The following UBAC1 variants were observed in gnomAD, a reference collection of about 807,000 sequenced individuals.
UBAC1 encodes the protein UBA domain containing 1.
A neutral mutation model predicts 45.9 loss-of-function variants in UBAC1; 27 were observed. The ratio of observed to expected loss-of-function variants is 0.59; its 90% confidence interval spans 0.43 to 0.81. The LOEUF (loss-of-function observed/expected upper bound fraction) is 0.81. Among genes scored for constraint, UBAC1 ranks in the 30% least tolerant of loss-of-function variants. The pLI, the probability that UBAC1 is intolerant of heterozygous loss-of-function variation, is 0.00. For missense variants in UBAC1, 529 were observed against 539.2 expected, an observed-to-expected ratio of 0.98 and a Z score of 0.19; for synonymous variants, 227 against 215.5, an observed-to-expected ratio of 1.05 and a Z score of -0.47.
chr9:135,956,605 C>T (rs1839469617), intron 1 of UBAC1, among the ~76,000 whole-genome samples: 1 of 151,630 alleles, frequency 6.6e-6, no homozygotes, highest in Admixed American at 6.6e-5. Flanking sequence ...AGCACACCAC[C>T]GCACAGCACA....
intron 1 of UBAC1, among the ~76,000 whole-genome samples, chr9:135,958,665 G>A (rs1839495702): frequency 6.6e-6 from 1 of 152,164 alleles, no homozygotes; most frequent in African/African-American, 2.4e-5. Context: ...ACAGACACCA[G>A]ACCTCACTGC....
intron 4 of UBAC1, among the ~76,000 whole-genome samples, chr9:135,947,215 T>C (rs1170849626): frequency 6.6e-6 from 1 of 152,080 alleles, no homozygotes. Context: ...TAACTTAGAA[T>C]GTTCTGACCC....
At chr9:135,954,623 A>G (rs939514919) in intron 2 of UBAC1, among the ~76,000 whole-genome samples, 1 of 152,214 alleles carries the variant, frequency 6.6e-6, no homozygotes, top group Admixed American at 6.5e-5. Context: ...TGTGCAAAGA[A>G]TTGGTGACAA....
rs1353173497 is a variant in UBAC1 at position 135,960,693 on chromosome 9, G to C, written c.138+332C>G. Among the ~76,000 whole-genome samples, 3 of 148,476 alleles carry C rather than the reference G, an allele frequency of 2.0e-5. No individual in the cohort carries two copies. The East Asian group carries it at 6.2e-4, about 31-fold the overall frequency. ...TCTCCAGGCCTCAGTTTCCCGATCT[G>C]CCCCTACCTCCCTGCGTGGCTGCAG... On this transcript the variant is annotated intron_variant, in intron 1 of 9. Coordinates refer to ENST00000371756, the MANE Select transcript of UBAC1 (RefSeq NM_016172.3).
Position 135,935,467 on chromosome 9 carries a change from G to A in UBAC1, c.1103-1952C>T, listed in dbSNP as rs560777194. Among the ~76,000 whole-genome samples the A allele has an allele frequency of 1.6e-3, 241 of 152,146 alleles. 4 individuals carry two copies. The South Asian group carries it at 0.037, about 23-fold the overall frequency. On this transcript the variant is annotated intron_variant, in intron 9 of 9. Coordinates refer to ENST00000371756, the MANE Select transcript of UBAC1 (RefSeq NM_016172.3). ...TCAAGACTAGCCTGAGCAAAAAAACGAGACCCCATCTCAACAACAACAAAA... is the reference window on the plus strand; with the variant it reads ...TCAAGACTAGCCTGAGCAAAAAAACAAGACCCCATCTCAACAACAACAAAA...
At chr9:135,937,677 C>T (rs1374181834) in intron 9 of UBAC1, among the ~76,000 whole-genome samples, 5 of 152,150 alleles carry the variant, frequency 3.3e-5, no homozygotes, top group Non-Finnish European at 5.9e-5. Context: ...AGGTAAGCCG[C>T]GGCCACGGCG....
intron 7 of UBAC1, among the ~76,000 whole-genome samples, chr9:135,940,817 G>C (rs1839262122): frequency 6.6e-6 from 1 of 151,916 alleles, no homozygotes; most frequent in South Asian, 2.1e-4. Context: ...AAATTTCAAG[G>C]GCCTCTCCTA....
intron 3 of UBAC1, among the ~76,000 whole-genome samples, chr9:135,950,231 G>C (rs1839391947): frequency 6.6e-6 from 1 of 152,226 alleles, no homozygotes; most frequent in Non-Finnish European, 1.5e-5. Context: ...AGCTACAAGC[G>C]GAGTGCTGTT....
rs1417412103 is a variant in UBAC1 at position 135,961,166 on chromosome 9, G to A, written c.-4C>T. 1.0e-5 allele frequency: 16 copies of A among 1,538,358 alleles called. No individual in the cohort carries two copies. Among genetic ancestry groups the A allele is most frequent in the Admixed American group, 7.8e-5 (4 of 51,294 alleles). On this transcript the variant is annotated 5_prime_UTR_variant, in exon 1 of 10. Transcript: ENST00000371756. ...TCTTCTCCTCCTGCACGAACATCCC[G>A]CCGCCGCCGCAGGGGCCTGCGCCCG...
chr9:135,958,722 AAT>A (rs1839496220), intron 1 of UBAC1, among the ~76,000 whole-genome samples: 1 of 152,158 alleles, frequency 6.6e-6, no homozygotes, highest in Non-Finnish European at 1.5e-5. Context: ...GAGACATTCA[AAT>A]ACACAACTCG....
intron 3 of UBAC1, 85 bp from the exon 4 acceptor site, chr9:135,947,990 C>T (rs1446777002): frequency 1.6e-6 from 2 of 1,262,246 alleles, no homozygotes; most frequent in Non-Finnish European, 1.1e-6. Context: ...GAGCTCTGCC[C>T]AAGAAAGACT....
chr9:135,938,877 C>A (rs1253058931), intron 8 of UBAC1, among the ~76,000 whole-genome samples: 1 of 152,218 alleles, frequency 6.6e-6, no homozygotes, highest in Non-Finnish European at 1.5e-5. Context: ...CCAGCTGGCA[C>A]ACGGGCACAG....
At position 135,945,128 on chromosome 9, in the gene UBAC1, G is replaced by A; in HGVS notation, c.776C>T (p.Ala259Val). ...AEGATAAASE[A>V]AAGASATDEE... The stretch of plus-strand genomic sequence containing the variant: ...ATCGGTGGCGCTGGCTCCCGCGGCA[G>A]CCTCGGAGGCAGCTGCTGTGGCCCC... The change falls in exon 7 of 10, where the codon GCT becomes GTT. Residue 259 changes from alanine (A) to valine (V), a missense_variant. Physicochemically the swap from Ala to Val is moderately conservative, Grantham distance 64. Transcript: ENST00000371756. The A allele has an allele frequency of 1.2e-6, 2 of 1,613,990 alleles. No homozygotes were observed. Among genetic ancestry groups the A allele is most frequent in the Non-Finnish European group, 1.7e-6 (2 of 1,179,980 alleles).
intron 7 of UBAC1, among the ~76,000 whole-genome samples, chr9:135,941,449 A>G (rs1839268476): frequency 6.6e-6 from 1 of 152,216 alleles, no homozygotes; most frequent in Non-Finnish European, 1.5e-5. Context: ...GTCCATCACA[A>G]TTGCCTTCCT....
At chr9:135,959,123 G>C (rs572347186) in intron 1 of UBAC1, among the ~76,000 whole-genome samples, 12 of 152,310 alleles carry the variant, frequency 7.9e-5, no homozygotes, top group African/African-American at 2.4e-4. Context: ...AGAGTATCAT[G>C]ATGGCCATGC....
At chr9:135,955,200 A>G (rs761488750) in intron 2 of UBAC1, 95 bp downstream of exon 2, 18 of 1,310,338 alleles carry the variant, frequency 1.4e-5, no homozygotes, top group Non-Finnish European at 1.6e-5. Context: ...AGCTCAGAAC[A>G]CTGACTCCTG....
At chr9:135,940,264 T>C (rs1839252642) in intron 7 of UBAC1, among the ~76,000 whole-genome samples, 2 of 144,756 alleles carry the variant, frequency 1.4e-5, no homozygotes, top group Non-Finnish European at 3.0e-5. Context: ...AAAGGTTTTA[T>C]TCAGATTTTA....
At chr9:135,943,484 T>C (rs769694348) in intron 7 of UBAC1, among the ~76,000 whole-genome samples, 15 of 152,152 alleles carry the variant, frequency 9.9e-5, no homozygotes, top group African/African-American at 1.4e-4. Flanking sequence ...TGTGGAGAAA[T>C]AGGAACGCTT....
At chr9:135,938,828 G>A (rs1160124915) in intron 8 of UBAC1, among the ~76,000 whole-genome samples, 4 of 152,196 alleles carry the variant, frequency 2.6e-5, no homozygotes. Flanking sequence ...GGGGGATGTG[G>A]GCCACCACAG....
Sources: allele counts gnomAD v4.1 joint callset (sites outside exome capture counted in the v4.1 genomes callset), GRCh38; gene constraint gnomAD v4.1.1; transcripts MANE v1.5; gene names NCBI Gene and HGNC (gene_info 2026-07-23, HGNC 2026-07-21).